Variants in HABP2 observed in about 807,000 individuals in gnomAD.
HABP2 encodes the protein hyaluronan binding protein 2.
Under a neutral mutation model 66.5 loss-of-function variants are expected in HABP2, and 65 were observed. That is an observed-to-expected ratio of 0.98 (90% CI 0.80 to 1.20). The LOEUF (loss-of-function observed/expected upper bound fraction) is 1.20. HABP2 is among the 50% of genes most tolerant of loss of function. HABP2 has a pLI of 0.00. For missense variants in HABP2, 786 were observed against 691.0 expected (o/e 1.14, Z -1.54); for synonymous variants, 263 against 253.9 (o/e 1.04, Z -0.34).
chr10:113,580,751 G>A, intron 8 of HABP2, 59 bp downstream of exon 8: 1 of 862,020 alleles, frequency 1.2e-6, no homozygotes, highest in South Asian at 1.4e-5. Flanking sequence ...TTTGTAGGGA[G>A]ATGTCCCTGG....
Position 113,582,143 on chromosome 10 carries a change from T to TGGGAGCA in HABP2, c.1094+17_1094+23dup, listed in dbSNP as rs1251121732. ...GCCCACTGCACCGAGTAGGTGCCGC[T>TGGGAGCA]GGGAGCAGGGACCAGGGTGGCTTGA... On this transcript the variant is annotated intron_variant, in intron 9 of 12. Coordinates refer to ENST00000351270, the MANE Select transcript of HABP2 (RefSeq NM_004132.5). 1.3e-6 allele frequency: 2 copies of TGGGAGCA among 1,596,128 alleles called. No homozygotes were observed. The highest frequency in any genetic ancestry group is 1.3e-5 in the African/African-American group (1 of 74,688).
intron 10 of HABP2, among the ~76,000 whole-genome samples, chr10:113,583,905 T>G (rs1003646512): frequency 6.6e-6 from 1 of 152,234 alleles, no homozygotes; most frequent in Non-Finnish European, 1.5e-5. Flanking sequence ...GGCCTGTTTC[T>G]TAAAAAATGG....
Position 113,577,176 on chromosome 10 carries a change from T to C in HABP2, c.358T>C (p.Cys120Arg), listed in dbSNP as rs1032274703. 1 of 1,610,916 alleles carries C rather than the reference T, an allele frequency of 6.2e-7. No individual in the cohort carries two copies. The highest frequency in any genetic ancestry group is 8.5e-7 in the Non-Finnish European group (1 of 1,177,062). Residue 120 changes from cysteine to arginine, a missense_variant, in exon 5 of 13, where the codon TGT becomes CGT. Physicochemically the swap from Cys to Arg is radical, Grantham distance 180. Transcript: ENST00000351270. ...KVQNTCKDNPCGRGQCLITQS... is the reference protein window; with the variant it reads ...KVQNTCKDNPRGRGQCLITQS... ...GCAAAATACGTGCAAGGACAACCCATGTGGCCGGGGCCAATGTCTCATTAC... is the reference window on the plus strand; with the variant it reads ...GCAAAATACGTGCAAGGACAACCCACGTGGCCGGGGCCAATGTCTCATTAC...
At chr10:113,564,587 C>T (rs1023020899) in intron 1 of HABP2, among the ~76,000 whole-genome samples, 9 of 152,142 alleles carry the variant, frequency 5.9e-5, no homozygotes, top group South Asian at 2.1e-4. Flanking sequence ...GCACAGTCCC[C>T]GATAACAAAT....
chr10:113,585,172 C>T (rs1280095820), intron 11 of HABP2, among the ~76,000 whole-genome samples: 1 of 152,150 alleles, frequency 6.6e-6, no homozygotes, highest in Non-Finnish European at 1.5e-5. Flanking sequence ...ATTTTACAGC[C>T]ATTTTCATTG....
At chr10:113,579,782 TTTTTG>T (rs1372299804) in intron 7 of HABP2, among the ~76,000 whole-genome samples, 3 of 151,532 alleles carry the variant, frequency 2.0e-5, no homozygotes, top group South Asian at 2.1e-4. Context: ...TGTTTGTTTG[TTTTTG>T]TTTTTGTTTT....
chr10:113,564,577 GCA>G (rs902400272), intron 1 of HABP2, among the ~76,000 whole-genome samples: 2 of 152,100 alleles, frequency 1.3e-5, no homozygotes, highest in African/African-American at 2.4e-5. Context: ...TTAGACAGAG[GCA>G]CAGTCCCCGA....
chr10:113,577,732 G>T (rs2133773017), intron 5 of HABP2, among the ~76,000 whole-genome samples: 1 of 152,340 alleles, frequency 6.6e-6, no homozygotes, highest in Non-Finnish European at 1.5e-5. Context: ...AGCTCAGACA[G>T]GGCCCACCAC....
Position 113,589,475 on chromosome 10 carries a change from G to T in HABP2, c.*1106G>T. On this transcript the variant is annotated 3_prime_UTR_variant, in exon 13 of 13. Coordinates refer to ENST00000351270, the MANE Select transcript of HABP2 (RefSeq NM_004132.5). ...TGTGACTTCAGAGAAAGCCCTGCAG[G>T]AAGTTTAACCTGCGTGTCATCTGCC... 1.5e-6 allele frequency: 1 copy of T among 647,770 alleles called. No individual in the cohort carries two copies. The highest frequency in any genetic ancestry group is 3.0e-5 in the Admixed American group (1 of 33,246). 40.1% of individuals were successfully genotyped at this position (647,770 alleles called of 1,614,324 possible).
upstream of HABP2, among the ~76,000 whole-genome samples, chr10:113,551,562 T>A (rs921086227): frequency 6.6e-6 from 1 of 152,114 alleles, no homozygotes; most frequent in African/African-American, 2.4e-5. Flanking sequence ...TCCTAGCACT[T>A]TGGGAGCCTG....
chr10:113,565,407 C>T (rs1043195427), intron 1 of HABP2, among the ~76,000 whole-genome samples: 10 of 152,114 alleles, frequency 6.6e-5, no homozygotes, highest in African/African-American at 2.4e-4. Context: ...TTGGCAAGGG[C>T]CTCAAGCTGC....
At position 113,588,615 on chromosome 10, in the gene HABP2, T is replaced by C. The variant is rs1480709402; in HGVS notation, c.*246T>C. ...TGGAATCAACACAACATAGTATGTT[T>C]GCTTTCCTTACCCAATTGTACCTTC... On this transcript the variant is annotated 3_prime_UTR_variant, in exon 13 of 13. Coordinates refer to ENST00000351270, the MANE Select transcript of HABP2 (RefSeq NM_004132.5). 2 of 535,206 alleles carry C rather than the reference T, an allele frequency of 3.7e-6. No homozygotes were observed. The highest frequency in any genetic ancestry group is 3.5e-5 in the Admixed American group (1 of 28,876). 33.2% of individuals were successfully genotyped at this position (535,206 alleles called of 1,614,324 possible). A position where few individuals can be genotyped will look rare whatever the true frequency, so the allele number is the denominator to read the frequency against.
chr10:113,587,872 G>A (rs541701047), intron 12 of HABP2, among the ~76,000 whole-genome samples: 23 of 152,074 alleles, frequency 1.5e-4, no homozygotes, highest in South Asian at 1.5e-3. Flanking sequence ...ACGCTGCCTT[G>A]GAGTCCCCAA....
chr10:113,556,804 CTTTTTTTTTTTTT>C (rs66685949), intron 1 of HABP2, among the ~76,000 whole-genome samples: 5 of 105,134 alleles, frequency 4.8e-5, no homozygotes, highest in Admixed American at 2.3e-4. Flanking sequence ...TTCTTTTATT[CTTTTTTTTTTTTT>C]TTTTTTTGTA....
At chr10:113,557,317 A>G (rs1845016238) in intron 1 of HABP2, among the ~76,000 whole-genome samples, 1 of 151,990 alleles carries the variant, frequency 6.6e-6, no homozygotes, top group African/African-American at 2.4e-5. Context: ...TTTTTAACTG[A>G]TCTGAAGCAC....
chr10:113,569,471 C>T (rs560936117), intron 2 of HABP2, among the ~76,000 whole-genome samples: 43 of 152,356 alleles, frequency 2.8e-4, no homozygotes, highest in African/African-American at 9.4e-4. Flanking sequence ...AACAGCATGG[C>T]GAAAGAGACC....
intron 1 of HABP2, among the ~76,000 whole-genome samples, chr10:113,556,848 T>C (rs1845006469): frequency 1.4e-5 from 2 of 146,174 alleles, no homozygotes. Flanking sequence ...TTTGCTATTT[T>C]GCACAAAGCT....
At chr10:113,579,397 T>C (rs1313967096) in intron 7 of HABP2, among the ~76,000 whole-genome samples, 1 of 152,200 alleles carries the variant, frequency 6.6e-6, no homozygotes, top group Non-Finnish European at 1.5e-5. Context: ...AAATGAAGCA[T>C]GAGTTTTTCT....
chr10:113,580,833 A>G, intron 8 of HABP2, 141 bp downstream of exon 8: 2 of 597,102 alleles, frequency 3.3e-6, no homozygotes, highest in South Asian at 2.0e-5. Context: ...TGCCAGCCCA[A>G]CTGCCCAACT....
Sources: allele counts gnomAD v4.1 joint callset (sites outside exome capture counted in the v4.1 genomes callset), GRCh38; gene constraint gnomAD v4.1.1; transcripts MANE v1.5; gene names NCBI Gene and HGNC (gene_info 2026-07-23, HGNC 2026-07-21).